Variants in PLCXD2 observed in about 807,000 individuals in gnomAD.
PLCXD2 encodes PI-PLC X domain-containing protein 2.
In PLCXD2, 21 loss-of-function variants were observed where a neutral mutation model predicts 28.6. The ratio of observed to expected loss-of-function variants is 0.73; its 90% CI spans 0.52 to 1.06. PLCXD2 has a LOEUF of 1.06. Ranked by LOEUF, PLCXD2 falls within the 50% of genes least tolerant of loss-of-function variation. The pLI is 0.00. For missense variants in PLCXD2, 369 were observed against 376.7 expected (o/e 0.98, Z 0.17); for synonymous variants, 140 against 150.1 (o/e 0.93, Z 0.49).
chr3:111,697,789 T>C (rs187621692), intron 1 of PLCXD2, among the ~76,000 whole-genome samples: 14 of 152,312 alleles, frequency 9.2e-5, no homozygotes, highest in Admixed American at 3.9e-4. Flanking sequence ...AAATAAAAAG[T>C]TTAAGAACAT....
chr3:111,703,047 T>C (rs2137596), intron 1 of PLCXD2, among the ~76,000 whole-genome samples: 122,327 of 152,216 alleles, frequency 0.8, 51,832 homozygotes, highest in East Asian at 0.99. Context: ...CCATATGACA[T>C]GAAAGCTTTC....
At chr3:111,722,451 G>A (rs1257844264) in intron 3 of PLCXD2, 1 of 152,112 alleles carries the variant, frequency 6.6e-6, no homozygotes, top group African/African-American at 2.4e-5. Context: ...ACCAAGCCAT[G>A]CCCATGAACG....
At chr3:111,708,415 A>C in intron 2 of PLCXD2, 29 bp downstream of exon 2, 2 of 1,582,646 alleles carry the variant, frequency 1.3e-6, no homozygotes, top group Non-Finnish European at 1.7e-6. Context: ...TAAGCTTCCA[A>C]GAGCAAGAAT....
intron 3 of PLCXD2, chr3:111,722,328 A>G (rs1389890846): frequency 6.6e-6 from 1 of 152,146 alleles, no homozygotes; most frequent in East Asian, 1.9e-4. Context: ...GAACAGGACC[A>G]CGCATCTCAG....
chr3:111,716,206 G>A (rs1489629334), intron 3 of PLCXD2, among the ~76,000 whole-genome samples: 5 of 152,178 alleles, frequency 3.3e-5, no homozygotes. Context: ...TATAGCTCTG[G>A]TTGAGTTTGT....
intron 1 of PLCXD2, 51 bp downstream of exon 1, chr3:111,675,459 G>A (rs771486717): frequency 6.2e-7 from 1 of 1,600,994 alleles, no homozygotes; most frequent in Admixed American, 1.7e-5. Context: ...TGCCATTTTA[G>A]TGTTGTTAAG....
chr3:111,675,228 A>G lies in PLCXD2; in HGVS notation c.-18A>G, dbSNP rs754783599. 8.1e-6 allele frequency: 13 copies of G among 1,610,294 alleles called. No homozygotes were observed. Among genetic ancestry groups the G allele is most frequent in the South Asian group, 1.1e-5 (1 of 90,936 alleles). On this transcript the variant is annotated 5_prime_UTR_variant, in exon 1 of 5. Coordinates refer to ENST00000477665, the MANE Select transcript of PLCXD2 (RefSeq NM_001185106.1). ...GAGTGGCACTGGGCTGAGACTGGCC[A>G]GTTTGTTAACAACAGGGATGCTAGC... is the stretch of plus-strand genomic sequence containing the variant.
At chr3:111,678,227 C>T (rs532298315) in intron 1 of PLCXD2, among the ~76,000 whole-genome samples, 36 of 152,280 alleles carry the variant, frequency 2.4e-4, no homozygotes, top group South Asian at 6.2e-4. Context: ...ATTTTACTTC[C>T]GCAACTGTTA....
At chr3:111,709,380 A>G (rs531981391) in intron 2 of PLCXD2, among the ~76,000 whole-genome samples, 1 of 152,258 alleles carries the variant, frequency 6.6e-6, no homozygotes, top group South Asian at 2.1e-4. Flanking sequence ...AATAGAGATA[A>G]TAAACATACA....
At chr3:111,725,463 A>G (rs1406344602) in intron 3 of PLCXD2, 2 of 395,356 alleles carry the variant, frequency 5.1e-6, no homozygotes, top group African/African-American at 4.1e-5. Context: ...AATGATACCA[A>G]ACAGCTCATT....
intron 1 of PLCXD2, among the ~76,000 whole-genome samples, chr3:111,701,126 C>A (rs1006849822): frequency 2.6e-5 from 4 of 152,088 alleles, no homozygotes; most frequent in Non-Finnish European, 5.9e-5. Flanking sequence ...GTTAATCAGC[C>A]CTTCACACTC....
chr3:111,695,799 C>CG (rs1268574046), intron 1 of PLCXD2, among the ~76,000 whole-genome samples: 2 of 152,212 alleles, frequency 1.3e-5, no homozygotes, highest in African/African-American at 4.8e-5. Context: ...GCTGGAAGGC[C>CG]TGTGGGATGG....
At chr3:111,703,325 T>G (rs1017843449) in intron 1 of PLCXD2, among the ~76,000 whole-genome samples, 7 of 152,204 alleles carry the variant, frequency 4.6e-5, no homozygotes, top group African/African-American at 1.7e-4. Flanking sequence ...GAAATATACA[T>G]GCTCTCCCTC....
At chr3:111,685,650 A>C (rs2107842566) in intron 1 of PLCXD2, among the ~76,000 whole-genome samples, 1 of 152,344 alleles carries the variant, frequency 6.6e-6, no homozygotes, top group Non-Finnish European at 1.5e-5. Context: ...AGGTTGTTAA[A>C]GCAAATATGG....
At chr3:111,720,402 C>T (rs752486559) in intron 3 of PLCXD2, among the ~76,000 whole-genome samples, 7 of 151,912 alleles carry the variant, frequency 4.6e-5, no homozygotes, top group African/African-American at 1.7e-4. Context: ...CCCAAAGTGC[C>T]GGGATTACAG....
chr3:111,698,343 C>T (rs1296713111), intron 1 of PLCXD2, among the ~76,000 whole-genome samples: 1 of 152,148 alleles, frequency 6.6e-6, no homozygotes, highest in Non-Finnish European at 1.5e-5. Flanking sequence ...GCAGTAGAGC[C>T]AGGATTATGA....
intron 1 of PLCXD2, among the ~76,000 whole-genome samples, chr3:111,683,592 T>G (rs1940749266): frequency 6.6e-6 from 1 of 152,198 alleles, no homozygotes; most frequent in Non-Finnish European, 1.5e-5. Flanking sequence ...TTGTATAATT[T>G]TCTTCCATAT....
At chr3:111,712,620 G>A (rs1009905874) in intron 2 of PLCXD2, among the ~76,000 whole-genome samples, 12 of 152,234 alleles carry the variant, frequency 7.9e-5, no homozygotes, top group Admixed American at 3.3e-4. Flanking sequence ...CCCAGCTCTG[G>A]GCCTTGGGGA....
intron 3 of PLCXD2, among the ~76,000 whole-genome samples, chr3:111,719,044 T>A (rs1490006043): frequency 2.6e-5 from 4 of 152,158 alleles, no homozygotes; most frequent in Non-Finnish European, 5.9e-5. Flanking sequence ...TAACTGTATA[T>A]CCATATGAAA....
Sources: gnomAD v4.1 joint callset for allele counts (sites outside exome capture counted in the v4.1 genomes callset) on GRCh38, gnomAD v4.1.1 for gene constraint, MANE v1.5 for transcripts, NCBI Gene and HGNC (gene_info 2026-07-23, HGNC 2026-07-21) for gene names.